Variants in DUOX1 observed in about 807,000 individuals in gnomAD.
DUOX1 encodes NADPH thyroid oxidase 1.
Under a neutral mutation model 181.8 loss-of-function variants are expected in DUOX1, and 134 were observed. The ratio of observed to expected loss-of-function variants is 0.74; its 90% CI spans 0.64 to 0.85. DUOX1 has a LOEUF of 0.85. DUOX1 is among the 40% of genes least tolerant of loss of function. The probability of loss-of-function intolerance (pLI) is 0.00; values close to 1 mark genes in which losing one functional copy is unlikely to be tolerated. For missense variants in DUOX1, 1,814 were observed against 2,064.4 expected, an observed-to-expected ratio of 0.88 and a Z score of 2.35; for synonymous variants, 798 against 832.5, an observed-to-expected ratio of 0.96 and a Z score of 0.71.
Position 45,137,823 on chromosome 15 carries a change from A to T in DUOX1, c.1023-101A>T, listed in dbSNP as rs556270078. ...AACCACACACCACCTCGGAAAGACG[A>T]TGGCCTGGGGTCCCTGGATACCGCC... On this transcript the variant is annotated intron_variant, in intron 9 of 33. Coordinates refer to ENST00000389037, the MANE Select transcript of DUOX1 (RefSeq NM_175940.3). The T allele has an allele frequency of 6.6e-4, 593 of 903,024 alleles. 10 individuals carry two copies. In the South Asian group the frequency reaches 8.4e-3, roughly 13 times the overall value. The allele number at this position is 903,024 out of a possible 1,614,324, so 55.9% of individuals were successfully genotyped here.
At chr15:45,143,150 A>AC (rs1222911981) in intron 15 of DUOX1, 40 bp from the exon 16 acceptor site, 1 of 1,525,194 alleles carries the variant, frequency 6.6e-7, no homozygotes. Context: ...CATCCCCTAG[A>AC]CCCCCACGTC....
intron 21 of DUOX1, among the ~76,000 whole-genome samples, chr15:45,149,259 T>G (rs190957933): frequency 1.2e-3 from 187 of 152,348 alleles, no homozygotes; most frequent in African/African-American, 4.4e-3. Context: ...GATGAGCCTC[T>G]GGTCAGGGCT....
At position 45,151,892 on chromosome 15, in the gene DUOX1, C is replaced by A. The variant is rs761662032; in HGVS notation, c.3033C>A (p.Pro1011=). 3 of 1,612,932 alleles carry A rather than the reference C, an allele frequency of 1.9e-6. No homozygotes were observed. The African/African-American group carries it at 4.0e-5, about 22-fold the overall frequency. Residue 1011 remains proline (P), a synonymous_variant, in exon 24 of 34, where the codon CCC becomes CCA. Transcript: ENST00000389037. ...CTCCCAGGGTAACGTCATTCCAGCC[C>A]TTGCTGTTCACTGAGGCGCACCGAG... ...RFGKKVTSFQ[P]LLFTEAHREK... is the part of the protein sequence containing the mutation.
At position 45,141,966 on chromosome 15, in the gene DUOX1, C is replaced by A; in HGVS notation, c.1685-9C>A. On this transcript the variant is annotated splice_polypyrimidine_tract_variant and intron_variant, in intron 14 of 33. Coordinates refer to ENST00000389037, the MANE Select transcript of DUOX1 (RefSeq NM_175940.3). ...GCACCCAGGACGCTGGCTTCCTCTG[C>A]CTTCCCAGGAGACCCCTGTCCGCAG... The A allele has an allele frequency of 6.2e-7, 1 of 1,606,590 alleles. No individual in the cohort carries two copies. Among genetic ancestry groups the A allele is most frequent in the South Asian group, 1.1e-5 (1 of 90,166 alleles).
At chr15:45,160,771 C>G in intron 28 of DUOX1, 66 bp from the exon 29 acceptor site, 1 of 1,506,388 alleles carries the variant, frequency 6.6e-7, no homozygotes, top group Non-Finnish European at 8.9e-7. Flanking sequence ...GGTCTAAGGC[C>G]TGAGCTGGCC....
chr15:45,154,459 C>T (rs1315796837), intron 27 of DUOX1, among the ~76,000 whole-genome samples: 2 of 152,150 alleles, frequency 1.3e-5, no homozygotes, highest in African/African-American at 4.8e-5. Context: ...ATTCCTAACT[C>T]CCTATAATCA....
intron 28 of DUOX1, among the ~76,000 whole-genome samples, chr15:45,160,566 T>G (rs1897071944): frequency 9.1e-6 from 1 of 109,866 alleles, no homozygotes; most frequent in African/African-American, 3.7e-5. Context: ...CTACTTCCAC[T>G]GGAAGGCTCC....
intron 7 of DUOX1, 114 bp downstream of exon 7, chr15:45,136,062 C>G (rs1391060755): frequency 6.6e-7 from 1 of 1,516,390 alleles, no homozygotes; most frequent in Non-Finnish European, 8.9e-7. Flanking sequence ...AACCCCTCCC[C>G]AGACAGCCGA....
At chr15:45,155,230 G>C (rs79767141) in intron 27 of DUOX1, among the ~76,000 whole-genome samples, 1 of 152,188 alleles carries the variant, frequency 6.6e-6, no homozygotes, top group African/African-American at 2.4e-5. Flanking sequence ...TTGAGAACCC[G>C]AGAGTCAGGA....
At position 45,152,291 on chromosome 15, in the gene DUOX1, G is replaced by T. The variant is rs756100472; in HGVS notation, c.3199G>T (p.Ala1067Ser). 2.5e-6 allele frequency: 4 copies of T among 1,613,578 alleles called. No individual in the cohort carries two copies. Among genetic ancestry groups the T allele is most frequent in the Middle Eastern group, 1.7e-4 (1 of 6,060 alleles). ...GLFLERAYYY[A>S]FAAHHTGITD... Reference sequence around the variant, plus strand: ...TGCCTGGGCCCCCTCCACAGACTACGCCTTTGCCGCACATCACACGGGCAT... The same window carrying T: ...TGCCTGGGCCCCCTCCACAGACTACTCCTTTGCCGCACATCACACGGGCAT... The change falls in exon 25 of 34, where the codon GCC becomes TCC. Residue 1067 changes from alanine to serine, a missense_variant. Coordinates refer to ENST00000389037, the MANE Select transcript of DUOX1 (RefSeq NM_175940.3).
rs777085728 is a variant in DUOX1, at chr15:45,135,184, G to A, written c.388G>A (p.Gly130Arg). 1.9e-6 allele frequency: 3 copies of A among 1,613,790 alleles called. No individual in the cohort carries two copies. The highest frequency in any genetic ancestry group is 1.7e-6 in the Non-Finnish European group (2 of 1,179,964). ...AEFLNIRIPP[G>R]DPMFDPDQRG... ...GTTCCTCAACATTCGCATCCCGCCC[G>A]GAGACCCCATGTTCGACCCCGACCA... The change falls in exon 5 of 34, where the codon GGA becomes AGA. Residue 130 changes from glycine to arginine, a missense_variant. Gly to Arg is a moderately radical substitution (Grantham distance 125). Coordinates refer to ENST00000389037, the MANE Select transcript of DUOX1 (RefSeq NM_175940.3).
chr15:45,147,891 C>A lies in DUOX1; in HGVS notation c.2549-13C>A. The A allele has an allele frequency of 6.2e-7, 1 of 1,611,304 alleles. No homozygotes were observed. Among genetic ancestry groups the A allele is most frequent in the Non-Finnish European group, 8.5e-7 (1 of 1,177,416 alleles). On this transcript the variant is annotated splice_polypyrimidine_tract_variant and intron_variant, in intron 19 of 33. Transcript: ENST00000389037. The stretch of plus-strand genomic sequence containing the variant: ...AGGCGGGGGCTCTCCTTATGGAGTC[C>A]TCCCTCTCCCAGGCTCTCCTGAGGA...
intron 12 of DUOX1, 100 bp downstream of exon 12, chr15:45,139,699 G>T: frequency 1.5e-6 from 2 of 1,306,422 alleles, no homozygotes; most frequent in Non-Finnish European, 2.1e-6. Flanking sequence ...CAAGAGACAA[G>T]CACCTAATGG....
chr15:45,162,216 C>T lies in DUOX1; in HGVS notation c.4090-3C>T. 1 of 1,605,260 alleles carries T rather than the reference C, an allele frequency of 6.2e-7. No individual in the cohort carries two copies. Among genetic ancestry groups the T allele is most frequent in the Non-Finnish European group, 8.5e-7 (1 of 1,174,970 alleles). On this transcript the variant is annotated splice_polypyrimidine_tract_variant and splice_region_variant and intron_variant, in intron 30 of 33. Coordinates refer to ENST00000389037, the MANE Select transcript of DUOX1 (RefSeq NM_175940.3). ...TAACTGAAACCCACGCCCCTCCCTA[C>T]AGCTGTACCTTGATGGACCATTTGG...
chr15:45,154,055 C>G, intron 27 of DUOX1, 55 bp downstream of exon 27: 1 of 1,558,142 alleles, frequency 6.4e-7, no homozygotes, highest in Non-Finnish European at 8.9e-7. Flanking sequence ...GTTCAAGGCT[C>G]TGGGTTCTCT....
rs374729544 is a variant in DUOX1 at position 45,162,204 on chromosome 15, C to T, written c.4090-15C>T. Reference sequence around the variant, plus strand: ...GGTGGCCAAGCTTAACTGAAACCCACGCCCCTCCCTACAGCTGTACCTTGA... The same window carrying T: ...GGTGGCCAAGCTTAACTGAAACCCATGCCCCTCCCTACAGCTGTACCTTGA... On this transcript the variant is annotated splice_polypyrimidine_tract_variant and intron_variant, in intron 30 of 33. Transcript: ENST00000389037. 9.1e-5 allele frequency: 145 copies of T among 1,593,584 alleles called. No homozygotes were observed. In the African/African-American group the frequency reaches 1.3e-3, roughly 14 times the overall value.
At chr15:45,144,744 C>T (rs1896604658) in intron 17 of DUOX1, 151 bp from the exon 18 acceptor site, 12 of 796,986 alleles carry the variant, frequency 1.5e-5, no homozygotes, top group Admixed American at 2.5e-5. Context: ...AGTCACTTAA[C>T]CCTACTGAGC....
chr15:45,152,649 C>A, intron 25 of DUOX1, 133 bp downstream of exon 25: 1 of 925,514 alleles, frequency 1.1e-6, no homozygotes, highest in Non-Finnish European at 1.7e-6. Flanking sequence ...TTGGCCTGGG[C>A]CAGGGTGTGA....
chr15:45,147,495 G>A lies in DUOX1; in HGVS notation c.2385G>A (p.Arg795=), dbSNP rs750007617. Residue 795 remains arginine (R), a synonymous_variant, in exon 19 of 34, where the codon CGG becomes CGA. Transcript: ENST00000389037. Reference sequence around the variant, plus strand: ...CCCTGGACTCCTCCCAGAAGGTGCGGGAGGCCCTGACCTGTGAGCTGAGCA... The same window carrying A: ...CCCTGGACTCCTCCCAGAAGGTGCGAGAGGCCCTGACCTGTGAGCTGAGCA... The part of the protein sequence containing the change: ...TLPLDSSQKV[R]EALTCELSRA... The A allele has an allele frequency of 2.5e-6, 4 of 1,613,962 alleles. No individual in the cohort carries two copies. Among genetic ancestry groups the A allele is most frequent in the Non-Finnish European group, 3.4e-6 (4 of 1,179,982 alleles).
Sources: allele counts gnomAD v4.1 joint callset (sites outside exome capture counted in the v4.1 genomes callset), GRCh38; gene constraint gnomAD v4.1.1; transcripts MANE v1.5; gene names NCBI Gene and HGNC (gene_info 2026-07-23, HGNC 2026-07-21).